KCNJ16: variants seen among roughly 807,000 people sequenced by gnomAD.
KCNJ16 encodes the protein potassium inwardly rectifying channel subfamily J member 16, also known as inward rectifier potassium channel 16.
In KCNJ16, 15 loss-of-function variants were observed where a neutral mutation model predicts 18.5. The observed-to-expected ratio is 0.81, with a 90% CI of 0.54 to 1.25. KCNJ16 has a LOEUF of 1.25. Ranked by LOEUF, KCNJ16 falls within the 50% of genes most tolerant of loss-of-function variation. The pLI is 0.00. For missense variants in KCNJ16, 523 were observed against 525.7 expected (o/e 0.99, Z 0.05); for synonymous variants, 174 against 186.5 (o/e 0.93, Z 0.55).
chr17:70,112,361 ATT>A (rs929677629), intron 2 of KCNJ16, among the ~76,000 whole-genome samples: 7 of 145,156 alleles, frequency 4.8e-5, no homozygotes, highest in East Asian at 2.0e-4. Flanking sequence ...CTGGTTTCTA[ATT>A]TTTTTTTTTT....
At chr17:70,112,027 G>C (rs1432212345) in intron 2 of KCNJ16, among the ~76,000 whole-genome samples, 3 of 152,158 alleles carry the variant, frequency 2.0e-5, no homozygotes, top group African/African-American at 2.4e-5. Context: ...CAAATGAGAA[G>C]AATATACATC....
intron 1 of KCNJ16, among the ~76,000 whole-genome samples, chr17:70,092,529 G>GATAGATAC (rs1313728303): frequency 2.9e-4 from 18 of 61,814 alleles, no homozygotes; most frequent in African/African-American, 1.4e-3. Flanking sequence ...TAGATACATA[G>GATAGATAC]ACAGATAGAT....
chr17:70,116,371 C>T (rs892525032), intron 2 of KCNJ16, among the ~76,000 whole-genome samples: 2 of 152,094 alleles, frequency 1.3e-5, no homozygotes, highest in Non-Finnish European at 2.9e-5. Context: ...GATTTTGTCA[C>T]TACAAATAGC....
chr17:70,126,262 C>T (rs2073852114), intron 2 of KCNJ16, among the ~76,000 whole-genome samples: 1 of 152,136 alleles, frequency 6.6e-6, no homozygotes, highest in Non-Finnish European at 1.5e-5. Flanking sequence ...TCTGTTAGGT[C>T]GTAGGTCTGT....
chr17:70,091,556 T>C (rs902251437), intron 1 of KCNJ16, among the ~76,000 whole-genome samples: 1 of 151,648 alleles, frequency 6.6e-6, no homozygotes, highest in Non-Finnish European at 1.5e-5. Flanking sequence ...CAGTATTTGT[T>C]TGGGGTGCTC....
At chr17:70,110,195 T>G (rs1598145632) in intron 2 of KCNJ16, among the ~76,000 whole-genome samples, 1 of 152,196 alleles carries the variant, frequency 6.6e-6, no homozygotes, top group Non-Finnish European at 1.5e-5. Flanking sequence ...ATTTCATTAA[T>G]GCAGGGCTGC....
At chr17:70,103,622 T>A (rs916404866) in intron 2 of KCNJ16, among the ~76,000 whole-genome samples, 1 of 152,048 alleles carries the variant, frequency 6.6e-6, no homozygotes, top group Non-Finnish European at 1.5e-5. Context: ...GTCATTGGAA[T>A]CCTTCTCCTT....
At chr17:70,109,408 T>G (rs1202887312) in intron 2 of KCNJ16, among the ~76,000 whole-genome samples, 1 of 152,194 alleles carries the variant, frequency 6.6e-6, no homozygotes, top group Non-Finnish European at 1.5e-5. Flanking sequence ...CCTCTCTCAG[T>G]TTGGAGGTCC....
chr17:70,126,155 T>C (rs1221997352), intron 2 of KCNJ16, among the ~76,000 whole-genome samples: 1 of 152,222 alleles, frequency 6.6e-6, no homozygotes, highest in African/African-American at 2.4e-5. Flanking sequence ...TACAGTCTTC[T>C]GCAAGAATTT....
intron 2 of KCNJ16, among the ~76,000 whole-genome samples, chr17:70,103,296 G>GTGTGTGTGTGTATATA (rs1408960241): frequency 9.9e-4 from 71 of 72,050 alleles, no homozygotes; most frequent in African/African-American, 1.6e-3. Flanking sequence ...ATGTGTGTGT[G>GTGTGTGTGTGTATATA]TATATATATA....
intron 1 of KCNJ16, among the ~76,000 whole-genome samples, chr17:70,077,707 A>G (rs1185922888): frequency 6.7e-6 from 1 of 148,506 alleles, no homozygotes; most frequent in African/African-American, 2.5e-5. Context: ...TTTTTCTTGC[A>G]TTTTAGTGAG....
At chr17:70,080,524 C>A (rs1371286268) in intron 1 of KCNJ16, among the ~76,000 whole-genome samples, 1 of 151,992 alleles carries the variant, frequency 6.6e-6, no homozygotes, top group Non-Finnish European at 1.5e-5. Context: ...GCCTCAAATA[C>A]CCCTGGACTT....
At chr17:70,114,536 A>G (rs1021294554) in intron 2 of KCNJ16, among the ~76,000 whole-genome samples, 23 of 152,178 alleles carry the variant, frequency 1.5e-4, no homozygotes, top group African/African-American at 5.3e-4. Flanking sequence ...GGGAGCTACT[A>G]AAGATTAGTC....
chr17:70,129,465 G>A (rs1214707364), intron 2 of KCNJ16, among the ~76,000 whole-genome samples: 6 of 152,108 alleles, frequency 3.9e-5, no homozygotes, highest in Non-Finnish European at 7.3e-5. Context: ...TTGCTCATTG[G>A]GTAGGCTGAG....
chr17:70,133,195 A>G lies in KCNJ16; in HGVS notation c.1108A>G (p.Arg370Gly). ...RESCTSDTKA[R>G]RRSFSAVAIV... is the part of the protein sequence containing the mutation. ...ATCCTGCACGTCGGACACCAAGGCG[A>G]GACGAAGGTCATTTAGTGCAGTTGC... The change falls in exon 4 of 4, where the codon AGA becomes GGA. Residue 370 changes from arginine (R) to glycine (G), a missense_variant. Arg to Gly is a moderately radical substitution (Grantham distance 125, BLOSUM62 -2). Coordinates refer to ENST00000392671, the MANE Select transcript of KCNJ16 (RefSeq NM_170741.4). The G allele has an allele frequency of 1.2e-6, 2 of 1,614,230 alleles. No individual in the cohort carries two copies. Among genetic ancestry groups the G allele is most frequent in the Non-Finnish European group, 8.5e-7 (1 of 1,180,030 alleles).
intron 2 of KCNJ16, among the ~76,000 whole-genome samples, chr17:70,102,741 T>C (rs910492897): frequency 1.3e-5 from 2 of 152,144 alleles, no homozygotes; most frequent in African/African-American, 4.8e-5. Flanking sequence ...GTAGGCTTTC[T>C]GCATGCTTTC....
At chr17:70,114,847 A>T (rs2073340054) in intron 2 of KCNJ16, among the ~76,000 whole-genome samples, 1 of 152,178 alleles carries the variant, frequency 6.6e-6, no homozygotes. Flanking sequence ...ACATAAGATA[A>T]TTCCACTTTC....
chr17:70,130,060 G>A (rs550904790), intron 2 of KCNJ16, among the ~76,000 whole-genome samples: 5 of 152,108 alleles, frequency 3.3e-5, no homozygotes, highest in African/African-American at 1.2e-4. Flanking sequence ...AACTAGGTTG[G>A]ACACATTTAA....
chr17:70,082,293 T>C (rs1692826344), intron 1 of KCNJ16, among the ~76,000 whole-genome samples: 1 of 152,166 alleles, frequency 6.6e-6, no homozygotes, highest in Non-Finnish European at 1.5e-5. Flanking sequence ...GTTCAGAGTG[T>C]AGGGTTTTCG....
Sources: gnomAD v4.1 joint callset for allele counts (sites outside exome capture counted in the v4.1 genomes callset) on GRCh38, gnomAD v4.1.1 for gene constraint, MANE v1.5 for transcripts, NCBI Gene and HGNC (gene_info 2026-07-23, HGNC 2026-07-21) for gene names.